Variants in CLYBL observed in about 807,000 individuals in gnomAD.
CLYBL encodes citramalyl-CoA lyase.
A neutral mutation model predicts 38.9 loss-of-function variants in CLYBL; 31 were observed. The ratio of observed to expected loss-of-function variants is 0.80; its 90% CI spans 0.60 to 1.08. CLYBL has a LOEUF of 1.08. CLYBL is among the 50% of genes least tolerant of loss of function. The pLI is 0.00. For synonymous variants in CLYBL, 171 were observed against 158.6 expected (o/e 1.08, Z -0.59); for missense variants, 434 against 411.6 (o/e 1.05, Z -0.47).
chr13:99,622,158 C>T (rs2046808069), intron 1 of CLYBL, among the ~76,000 whole-genome samples: 1 of 152,224 alleles, frequency 6.6e-6, no homozygotes, highest in African/African-American at 2.4e-5. Context: ...CTTAGAAGCA[C>T]CCTTGTGATT....
intron 2 of CLYBL, among the ~76,000 whole-genome samples, chr13:99,800,693 G>A (rs757742668): frequency 6.6e-6 from 1 of 152,068 alleles, no homozygotes; most frequent in Non-Finnish European, 1.5e-5. Context: ...GGCCAACATG[G>A]TGAAACTCCG....
At chr13:99,765,483 CT>C (rs374147930) in intron 1 of CLYBL, among the ~76,000 whole-genome samples, 4 of 151,254 alleles carry the variant, frequency 2.6e-5, no homozygotes, top group Admixed American at 6.6e-5. Flanking sequence ...TTTTGTTTCT[CT>C]TTTTTTTTGA....
At chr13:99,661,782 G>A (rs1003010663) in intron 1 of CLYBL, among the ~76,000 whole-genome samples, 2 of 152,140 alleles carry the variant, frequency 1.3e-5, no homozygotes, top group African/African-American at 2.4e-5. Flanking sequence ...TTGATAGTTT[G>A]TTGATGTTTT....
intron 2 of CLYBL, among the ~76,000 whole-genome samples, chr13:99,808,011 C>T (rs2806298): frequency 0.8 from 122,257 of 152,082 alleles, 49,962 homozygotes; most frequent in African/African-American, 0.95. Context: ...GCATATGAAC[C>T]TGAAGTTCCC....
chr13:99,791,360 T>TAAA (rs57869213), intron 2 of CLYBL, among the ~76,000 whole-genome samples: 3 of 146,486 alleles, frequency 2.0e-5, no homozygotes, highest in Non-Finnish European at 3.1e-5. Context: ...GTGTCTTTTT[T>TAAA]AAAAAAAAAA....
At chr13:99,803,802 G>A (rs915837814) in intron 2 of CLYBL, among the ~76,000 whole-genome samples, 6 of 152,214 alleles carry the variant, frequency 3.9e-5, no homozygotes, top group South Asian at 2.1e-4. Context: ...GAACTGTCAG[G>A]TAGTTCACCG....
chr13:99,802,268 C>T (rs1459339754), intron 2 of CLYBL, among the ~76,000 whole-genome samples: 2 of 152,130 alleles, frequency 1.3e-5, no homozygotes, highest in African/African-American at 4.8e-5. Flanking sequence ...AAGAAATCAT[C>T]CCCATCACAT....
intron 2 of CLYBL, among the ~76,000 whole-genome samples, chr13:99,832,256 G>A (rs914193125): frequency 1.3e-5 from 2 of 152,160 alleles, no homozygotes; most frequent in Admixed American, 6.5e-5. Flanking sequence ...TAGTGGTCTC[G>A]GTTCTTCCTG....
At chr13:99,809,643 G>GTTAGC in intron 2 of CLYBL, among the ~76,000 whole-genome samples, 1 of 152,362 alleles carries the variant, frequency 6.6e-6, no homozygotes, top group Admixed American at 6.5e-5. Flanking sequence ...CTGTCACGCT[G>GTTAGC]TTAGCGATTA....
chr13:99,672,732 C>T (rs1021880494), intron 1 of CLYBL, among the ~76,000 whole-genome samples: 2 of 151,936 alleles, frequency 1.3e-5, no homozygotes, highest in Non-Finnish European at 1.5e-5. Context: ...ATTGTACCAC[C>T]ACACTCCAGC....
At chr13:99,862,311 G>A (rs972265545) in intron 3 of CLYBL, among the ~76,000 whole-genome samples, 35 of 152,204 alleles carry the variant, frequency 2.3e-4, no homozygotes, top group African/African-American at 7.5e-4. Flanking sequence ...CTTTTGAAGA[G>A]GGGGAGGAAT....
intron 2 of CLYBL, among the ~76,000 whole-genome samples, chr13:99,822,579 G>A (rs1460201029): frequency 1.3e-5 from 2 of 152,180 alleles, no homozygotes; most frequent in Non-Finnish European, 2.9e-5. Flanking sequence ...TTCTTTGGTG[G>A]TGGTCACAGT....
chr13:99,617,324 C>T (rs2139191261), intron 1 of CLYBL, among the ~76,000 whole-genome samples: 1 of 152,020 alleles, frequency 6.6e-6, no homozygotes, highest in South Asian at 2.1e-4. Context: ...CTCTATGGAC[C>T]TTTTTAAAGT....
At chr13:99,721,057 T>TTC (rs1203151853) in intron 1 of CLYBL, among the ~76,000 whole-genome samples, 2 of 151,920 alleles carry the variant, frequency 1.3e-5, no homozygotes, top group African/African-American at 4.8e-5. Flanking sequence ...TTTTTTTTCT[T>TTC]TTTGAAATGG....
chr13:99,664,211 T>G (rs2047448021), intron 1 of CLYBL, among the ~76,000 whole-genome samples: 1 of 152,252 alleles, frequency 6.6e-6, no homozygotes, highest in Non-Finnish European at 1.5e-5. Flanking sequence ...AGTTTTCCTG[T>G]GTTCTTAGTA....
intron 1 of CLYBL, among the ~76,000 whole-genome samples, chr13:99,763,674 C>A (rs921172419): frequency 6.6e-6 from 1 of 151,912 alleles, no homozygotes; most frequent in Non-Finnish European, 1.5e-5. Flanking sequence ...CCTGCCTAAG[C>A]CTCCCGAATA....
intron 7 of CLYBL, among the ~76,000 whole-genome samples, chr13:99,878,609 C>T (rs1037608875): frequency 2.0e-5 from 3 of 152,110 alleles, no homozygotes; most frequent in African/African-American, 7.2e-5. Flanking sequence ...GACTTATGCA[C>T]GTACAATGGG....
chr13:99,892,783 C>A (rs544991199), downstream of CLYBL: 1 of 152,224 alleles, frequency 6.6e-6, no homozygotes, highest in African/African-American at 2.4e-5. Flanking sequence ...ATTTCCTCTG[C>A]GGCCCCTAGC....
At chr13:99,638,210 A>G (rs942727310) in intron 1 of CLYBL, among the ~76,000 whole-genome samples, 60 of 152,086 alleles carry the variant, frequency 3.9e-4, no homozygotes, top group African/African-American at 1.4e-3. Context: ...CCCCTGCCTC[A>G]GCCTTCTGAA....
Sources: gnomAD v4.1 joint callset for allele counts (sites outside exome capture counted in the v4.1 genomes callset) on GRCh38, gnomAD v4.1.1 for gene constraint, MANE v1.5 for transcripts, NCBI Gene and HGNC (gene_info 2026-07-23, HGNC 2026-07-21) for gene names.